Variants in CAPN12 observed in about 807,000 individuals in gnomAD.
CAPN12 encodes the protein calpain-12.
In CAPN12, 107 loss-of-function variants were observed where a neutral mutation model predicts 95.0. The ratio of observed to expected loss-of-function variants is 1.13; its 90% CI spans 0.96 to 1.32. The LOEUF (loss-of-function observed/expected upper bound fraction) is 1.32, where lower values mean the gene tolerates loss of function less well. Ranked by LOEUF, CAPN12 falls within the 40% of genes most tolerant of loss-of-function variation. The pLI, the probability that CAPN12 is intolerant of heterozygous loss-of-function variation, is 0.00. For missense variants in CAPN12, 1,136 were observed against 997.8 expected (o/e 1.14, Z -1.87); for synonymous variants, 505 against 415.5 (o/e 1.22, Z -2.62).
At chr19:38,737,111 C>T in intron 10 of CAPN12, 45 bp downstream of exon 10, 1 of 1,483,188 alleles carries the variant, frequency 6.7e-7, no homozygotes, top group Admixed American at 2.0e-5. Context: ...CCCGCCCCTC[C>T]ACCCTCCGGG....
In CAPN12 at chr19:38,735,479, G is replaced by A. The variant is rs115595504; in HGVS notation, c.1626+23C>T. ...CTGGCCAAGATCCCCGCCCCATGCC[G>A]CCCCTCCAGGAACAGTCCCCACCTG... On this transcript the variant is annotated intron_variant, in intron 13 of 20. Coordinates refer to ENST00000328867, the MANE Select transcript of CAPN12 (RefSeq NM_144691.4). 2,160 of 1,610,698 alleles carry A rather than the reference G, an allele frequency of 1.3e-3. 28 individuals are homozygous for A. The African/African-American group carries it at 0.026, about 19-fold the overall frequency.
chr19:38,742,353 A>G (rs995898046), intron 3 of CAPN12, 57 bp downstream of exon 3: 22 of 1,247,686 alleles, frequency 1.8e-5, no homozygotes, highest in Non-Finnish European at 2.5e-5. Context: ...AGAAAAATCC[A>G]TATCACCAAG....
chr19:38,738,620 T>G lies in CAPN12; in HGVS notation c.758A>C (p.Glu253Ala). 1 of 1,613,960 alleles carries G rather than the reference T, an allele frequency of 6.2e-7. No individual in the cohort carries two copies. Among genetic ancestry groups the G allele is most frequent in the South Asian group, 1.1e-5 (1 of 91,082 alleles). ...LSDRGEYRTE[E>A]GLVKGHAYSI... ...ATACGCGTGTCCCTTTACCAGGCCC[T>G]CTTCTGTGCGGTACTCACCCCGATC... is the stretch of plus-strand genomic sequence containing the variant. Residue 253 changes from glutamate to alanine, a missense_variant, in exon 6 of 21, where the codon GAG (glutamate) becomes GCG (alanine). Glu to Ala is a moderately radical substitution (Grantham distance 107). Coordinates refer to ENST00000328867, the MANE Select transcript of CAPN12 (RefSeq NM_144691.4).
At chr19:38,731,479 G>C in intron 18 of CAPN12, 1 of 543,542 alleles carries the variant, frequency 1.8e-6, no homozygotes, top group Non-Finnish European at 3.3e-6. Flanking sequence ...TCTGACACGT[G>C]ACTCGATGTG....
intron 12 of CAPN12, 148 bp downstream of exon 12, chr19:38,735,962 G>GCGGGCGGGGT (rs1555848314): frequency 2.8e-5 from 1 of 35,732 alleles, no homozygotes; most frequent in Admixed American, 4.8e-4. Context: ...CGGGGGTTCT[G>GCGGGCGGGGT]GGGGCGGGGC....
Position 38,734,224 on chromosome 19 carries a change from C to T in CAPN12, c.1816-20G>A. On this transcript the variant is annotated intron_variant, in intron 16 of 20. Coordinates refer to ENST00000328867, the MANE Select transcript of CAPN12 (RefSeq NM_144691.4). ...CCCATGCTGTGTTGGGGGTCGGGGG[C>T]ATCTGGTTAAGGTCAATCTCTCCAG... 1.9e-6 allele frequency: 3 copies of T among 1,612,544 alleles called. No individual in the cohort carries two copies. The highest frequency in any genetic ancestry group is 2.5e-6 in the Non-Finnish European group (3 of 1,179,730).
rs12983010 is a variant in CAPN12, at chr19:38,738,449, A to G, written c.859T>C (p.Cys287Arg). The change falls in exon 7 of 21, where the codon TGC becomes CGC. Residue 287 changes from cysteine (C) to arginine (R), a missense_variant. By Grantham distance (180) the Cys-to-Arg change is radical (BLOSUM62 -3). Coordinates refer to ENST00000328867, the MANE Select transcript of CAPN12 (RefSeq NM_144691.4). ...CTCCAGGCCCCCGTCCACTCCACGC[A>G]GCCCCATGGGTTCCGCAGCCGCAGC... ...RLLRLRNPWG[C>R]VEWTGAWSDS... 116,707 of 1,609,288 alleles carry G rather than the reference A, an allele frequency of 0.073. 4,746 individuals carry two copies. The highest frequency in any genetic ancestry group is 0.12 in the Admixed American group (7,032 of 59,764).
In CAPN12 at chr19:38,740,204, A is replaced by G; in HGVS notation, c.576T>C (p.Tyr192=). The G allele has an allele frequency of 1.2e-6, 2 of 1,607,918 alleles. No individual in the cohort carries two copies. The highest frequency in any genetic ancestry group is 1.7e-5 in the Admixed American group (1 of 59,392). The change falls in exon 5 of 21, where the codon TAT becomes TAC. Residue 192 remains tyrosine, a synonymous_variant. Coordinates refer to ENST00000328867, the MANE Select transcript of CAPN12 (RefSeq NM_144691.4). ...EKAYAKLHGS[Y]EVMRGGHMNE... is the part of the protein sequence containing the mutation. ...TCATGTGGCCGCCCCGCATCACCTCATAGGAGCCGTGGAGCCTGTGGGGGC... is the reference window on the plus strand; with the variant it reads ...TCATGTGGCCGCCCCGCATCACCTCGTAGGAGCCGTGGAGCCTGTGGGGGC...
intron 8 of CAPN12, among the ~76,000 whole-genome samples, chr19:38,737,977 C>A (rs1235834617): frequency 6.6e-6 from 1 of 152,178 alleles, no homozygotes; most frequent in Non-Finnish European, 1.5e-5. Flanking sequence ...CCCCAAATAT[C>A]ACCAAGCCTT....
At chr19:38,740,963 C>T (rs926378165) in intron 4 of CAPN12, among the ~76,000 whole-genome samples, 8 of 151,958 alleles carry the variant, frequency 5.3e-5, no homozygotes, top group African/African-American at 1.5e-4. Flanking sequence ...CTGTCTGAAA[C>T]CTTGAACCTC....
chr19:38,733,849 G>A (rs771464710), intron 17 of CAPN12, 68 bp from the exon 18 acceptor site: 6 of 1,341,230 alleles, frequency 4.5e-6, no homozygotes, highest in Non-Finnish European at 6.4e-6. Context: ...GGGCCTCCCA[G>A]GCAAGACAGC....
At position 38,742,497 on chromosome 19, in the gene CAPN12, G is replaced by A; in HGVS notation, c.339C>T (p.Ser113=). The change falls in exon 3 of 21, where the codon TCC becomes TCT. Residue 113 remains serine, a synonymous_variant. Transcript: ENST00000328867. ...GNCWFLAAAA[S]LTLYPRLLRR... is the part of the protein sequence containing the mutation. ...GCAGGAGCCGGGGATACAGAGTAAG[G>A]GAGGCGGCAGCTGCAAGGAACCAGC... 6.2e-7 allele frequency: 1 copy of A among 1,613,432 alleles called. No individual in the cohort carries two copies. The highest frequency in any genetic ancestry group is 8.5e-7 in the Non-Finnish European group (1 of 1,179,696).
rs1396859915 is a variant in CAPN12 at position 38,737,273 on chromosome 19, T to TGGGCCCC, written c.1238_1244dup (p.Ala416GlyfsTer101). Reference sequence around the variant, plus strand: ...ACTTGGGCGTGCGGCCCCCCCGCGCTGGGCCCCGTGCCCCTGCAGCCCCCC... The same window carrying TGGGCCCC: ...ACTTGGGCGTGCGGCCCCCCCGCGCTGGGCCCCGGGCCCCGTGCCCCTGCAGCCCCCC... On this transcript the variant is annotated frameshift_variant, in exon 10 of 21. Coordinates refer to ENST00000328867, the MANE Select transcript of CAPN12 (RefSeq NM_144691.4). LOFTEE classifies it high-confidence loss of function. 1 of 1,527,218 alleles carries TGGGCCCC rather than the reference T, an allele frequency of 6.5e-7. No individual in the cohort carries two copies. Among genetic ancestry groups the TGGGCCCC allele is most frequent in the Admixed American group, 2.0e-5 (1 of 50,382 alleles). The allele number at this position is 1,527,218 out of a possible 1,614,324, so 94.6% of individuals were successfully genotyped here. A position where few individuals can be genotyped will look rare whatever the true frequency, so the allele number is the denominator to read the frequency against.
At chr19:38,734,476 G>T in intron 15 of CAPN12, 87 bp from the exon 16 acceptor site, 2 of 1,181,986 alleles carry the variant, frequency 1.7e-6, no homozygotes, top group Non-Finnish European at 2.4e-6. Flanking sequence ...CCCTTAAGCA[G>T]GTGATGTTGT....
rs548194641 is a variant in CAPN12, at chr19:38,738,603, G to A, written c.775C>T (p.His259Tyr). The change falls in exon 6 of 21, where the codon CAC (histidine) becomes TAC (tyrosine). Residue 259 changes from histidine (H) to tyrosine (Y), a missense_variant. By Grantham distance (83) the His-to-Tyr change is moderately conservative (BLOSUM62 2). Transcript: ENST00000328867. ...TGTGTGCCCGTGATGGAATACGCGT[G>A]TCCCTTTACCAGGCCCTCTTCTGTG... ...YRTEEGLVKG[H>Y]AYSITGTHKV... is the part of the protein sequence containing the mutation. 2.0e-5 allele frequency: 32 copies of A among 1,614,044 alleles called. No individual in the cohort carries two copies. In the Admixed American group the frequency reaches 2.7e-4, roughly 13 times the overall value.
intron 5 of CAPN12, 152 bp from the exon 6 acceptor site, chr19:38,738,800 G>A: frequency 4.6e-6 from 3 of 652,918 alleles, no homozygotes; most frequent in Non-Finnish European, 2.7e-6. Context: ...GTTAGTGACT[G>A]AAGGCGAAAG....
chr19:38,742,434 G>C lies in CAPN12; in HGVS notation c.402C>G (p.Gly134=), dbSNP rs768742596. 6.2e-7 allele frequency: 1 copy of C among 1,613,960 alleles called. No individual in the cohort carries two copies. The highest frequency in any genetic ancestry group is 8.5e-7 in the Non-Finnish European group (1 of 1,179,840). ...VVPPGQDFQH[G]YAGVFHFQLW... is the part of the protein sequence containing the mutation. ...CCTGGAAGTGGAAGACGCCTGCGTAGCCATGCTGGAAATCCTGTCCAGGAG... is the reference window on the plus strand; with the variant it reads ...CCTGGAAGTGGAAGACGCCTGCGTACCCATGCTGGAAATCCTGTCCAGGAG... Residue 134 remains glycine, a synonymous_variant, in exon 3 of 21, where the codon GGC becomes GGG. Transcript: ENST00000328867.
In CAPN12 at chr19:38,735,576, GC is replaced by G. The variant is rs767989286; in HGVS notation, c.1584-33del. ...ATTACAGATGGGAAGTGGGGAGGGGGCTGTTTGCCCCAGCTGGGGCTGTGTG... is the reference window on the plus strand; with the variant it reads ...ATTACAGATGGGAAGTGGGGAGGGGGTGTTTGCCCCAGCTGGGGCTGTGTG... On this transcript the variant is annotated intron_variant, in intron 12 of 20. Coordinates refer to ENST00000328867, the MANE Select transcript of CAPN12 (RefSeq NM_144691.4). 8 of 1,604,284 alleles carry G rather than the reference GC, an allele frequency of 5.0e-6. No homozygotes were observed. In the South Asian group the frequency reaches 8.9e-5, roughly 18 times the overall value.
intron 5 of CAPN12, 39 bp from the exon 6 acceptor site, chr19:38,738,687 C>T (rs761340213): frequency 6.2e-7 from 1 of 1,601,262 alleles, no homozygotes. Context: ...AGGTAGGGGA[C>T]AGGAGGGCAG....
Sources: gnomAD v4.1 joint callset for allele counts (sites outside exome capture counted in the v4.1 genomes callset) on GRCh38, gnomAD v4.1.1 for gene constraint, MANE v1.5 for transcripts, NCBI Gene and HGNC (gene_info 2026-07-23, HGNC 2026-07-21) for gene names.